Variants in PARP14 observed in about 807,000 individuals in gnomAD.
The protein encoded by PARP14 is poly(ADP-ribose) polymerase family member 14, also known as protein mono-ADP-ribosyltransferase PARP14.
A neutral mutation model predicts 154.2 loss-of-function variants in PARP14; 59 were observed. That is an observed-to-expected ratio of 0.38 (90% CI 0.31 to 0.48). The LOEUF (loss-of-function observed/expected upper bound fraction) is 0.48, where lower values mean the gene tolerates loss of function less well. PARP14 is among the 20% of genes least tolerant of loss of function. The probability of loss-of-function intolerance (pLI) is 0.98; values close to 1 mark genes in which losing one functional copy is unlikely to be tolerated. For missense variants in PARP14, 1,734 were observed against 2,131.6 expected (o/e 0.81, Z 3.67); for synonymous variants, 720 against 780.5 (o/e 0.92, Z 1.29).
At chr3:122,692,782 T>C (rs1260417845) in intron 4 of PARP14, among the ~76,000 whole-genome samples, 1 of 150,756 alleles carries the variant, frequency 6.6e-6, no homozygotes, top group Non-Finnish European at 1.5e-5. Context: ...TGTGTGTGAC[T>C]GAGAGAGAGA....
chr3:122,720,465 A>G (rs780750044), intron 15 of PARP14, 77 bp downstream of exon 15: 1 of 1,347,398 alleles, frequency 7.4e-7, no homozygotes, highest in Non-Finnish European at 1.0e-6. Flanking sequence ...ATCCATTTTC[A>G]TTCACTTCCT....
At position 122,713,483 on chromosome 3, in the gene PARP14, A is replaced by G. The variant is rs1309182604; in HGVS notation, c.3679A>G (p.Ile1227Val). The G allele has an allele frequency of 1.9e-6, 3 of 1,612,752 alleles. No individual in the cohort carries two copies. The highest frequency in any genetic ancestry group is 2.7e-5 in the African/African-American group (2 of 74,900). Residue 1227 changes from isoleucine to valine, a missense_variant, in exon 10 of 17, where the codon ATC becomes GTC. Ile to Val is a conservative substitution (Grantham distance 29). Coordinates refer to ENST00000474629, the MANE Select transcript of PARP14 (RefSeq NM_017554.3). ...SGVYEMKIGS[I>V]IFQVASGDIT... ...TGTGTATGAAATGAAGATTGGCTCCATCATCTTCCAGGTGGCTTCTGGAGA... is the reference window on the plus strand; with the variant it reads ...TGTGTATGAAATGAAGATTGGCTCCGTCATCTTCCAGGTGGCTTCTGGAGA...
Position 122,727,982 on chromosome 3 carries a change from G to C in PARP14, c.5112G>C (p.Lys1704Asn). Residue 1704 changes from lysine (K) to asparagine (N), a missense_variant, in exon 16 of 17, where the codon AAG becomes AAC. This residue lies in a region of PARP14 where 88 missense variants were observed against 155.6 expected (regional missense o/e 0.57). Transcript: ENST00000474629. ...RNGFNRSYAG[K>N]NAVAYGKGTY... Reference sequence around the variant, plus strand: ...GCTTTAACCGCAGCTATGCCGGAAAGAATGGTAAGGAAGCGAGTAATCTGG... The same window carrying C: ...GCTTTAACCGCAGCTATGCCGGAAACAATGGTAAGGAAGCGAGTAATCTGG... The C allele has an allele frequency of 6.2e-7, 1 of 1,609,186 alleles. No individual in the cohort carries two copies. Among genetic ancestry groups the C allele is most frequent in the South Asian group, 1.1e-5 (1 of 90,300 alleles).
rs370292135 is a variant in PARP14 at position 122,686,373 on chromosome 3, T to C, written c.322-707T>C. Among the ~76,000 whole-genome samples the C allele has an allele frequency of 9.2e-5, 14 of 152,278 alleles. No homozygotes were observed. The East Asian group carries it at 2.5e-3, about 27-fold the overall frequency. The stretch of plus-strand genomic sequence containing the variant: ...TTTTACCATGTTGCCTAGGCTGCTC[T>C]TGAACTGCTGGGCTCATGTGATCCA... On this transcript the variant is annotated intron_variant, in intron 2 of 16. Transcript: ENST00000474629.
rs768702723 is a variant in PARP14 at position 122,713,610 on chromosome 3, G to A, written c.3769+37G>A. ...ATTTTGATGAGTGCAATAGTTAATG[G>A]TAGATGCTATGAAGGAGGGTTTCTA... On this transcript the variant is annotated intron_variant, in intron 10 of 16. Coordinates refer to ENST00000474629, the MANE Select transcript of PARP14 (RefSeq NM_017554.3). 8 of 1,583,472 alleles carry A rather than the reference G, an allele frequency of 5.1e-6. No homozygotes were observed. The South Asian group carries it at 9.1e-5, about 18-fold the overall frequency.
At chr3:122,683,501 T>A (rs901703271) in intron 1 of PARP14, among the ~76,000 whole-genome samples, 5 of 152,254 alleles carry the variant, frequency 3.3e-5, no homozygotes, top group African/African-American at 1.2e-4. Context: ...TTAAGCCCTG[T>A]TTCAGATGTG....
rs893544252 is a variant in PARP14, at chr3:122,730,015, T to C, written c.*1418T>C. ...AAGTTTAAGATTCAAACACCATCTA[T>C]TGAGCACCTACATTGTGTGCCAGGT... is the stretch of plus-strand genomic sequence containing the variant. On this transcript the variant is annotated 3_prime_UTR_variant, in exon 17 of 17. Coordinates refer to ENST00000474629, the MANE Select transcript of PARP14 (RefSeq NM_017554.3). The C allele has an allele frequency of 3.3e-5, 5 of 152,224 alleles. No homozygotes were observed. Among genetic ancestry groups the C allele is most frequent in the Non-Finnish European group, 5.9e-5 (4 of 68,032 alleles). The allele number at this position is 152,224 out of a possible 1,614,324, so 9.4% of individuals were successfully genotyped here.
chr3:122,686,594 G>A (rs1177406538), intron 2 of PARP14, among the ~76,000 whole-genome samples: 2 of 152,136 alleles, frequency 1.3e-5, no homozygotes, highest in Admixed American at 1.3e-4. Flanking sequence ...AAGTAGCTGG[G>A]ACTACAGGCA....
chr3:122,708,962 C>T (rs185728939), intron 9 of PARP14, among the ~76,000 whole-genome samples: 3 of 152,004 alleles, frequency 2.0e-5, no homozygotes, highest in East Asian at 1.9e-4. Flanking sequence ...ATTTTAGATA[C>T]GTATGTGTAT....
chr3:122,703,013 AAAAAAAAAAACAAAAAACAAAAAAC>A (rs1939032450), intron 6 of PARP14, among the ~76,000 whole-genome samples: 1 of 109,850 alleles, frequency 9.1e-6, no homozygotes, highest in Non-Finnish European at 2.0e-5. Context: ...AAAAAAAACA[AAAAAAAAAAACAAAAAACAAAAAAC>A]AGTCATAGTT....
chr3:122,709,526 A>G (rs1939256344), intron 9 of PARP14, among the ~76,000 whole-genome samples: 1 of 152,088 alleles, frequency 6.6e-6, no homozygotes, highest in Non-Finnish European at 1.5e-5. Context: ...GTTTTTTCAT[A>G]TAATGACTTA....
At chr3:122,715,635 T>TATCTATC (rs1553748213) in intron 12 of PARP14, among the ~76,000 whole-genome samples, 1 of 150,556 alleles carries the variant, frequency 6.6e-6, no homozygotes, top group Non-Finnish European at 1.5e-5. Context: ...TCTATCTATC[T>TATCTATC]ATCTATCTAT....
At chr3:122,691,558 A>G (rs1377368417) in intron 3 of PARP14, among the ~76,000 whole-genome samples, 1 of 152,184 alleles carries the variant, frequency 6.6e-6, no homozygotes, top group Non-Finnish European at 1.5e-5. Flanking sequence ...TTTTTGGAGT[A>G]TAATGTGTTA....
rs1487037305 is a variant in PARP14, at chr3:122,692,396, G to T, written c.451G>T (p.Val151Leu). ...GGAATGTGAAAATATTTCCTCTTTG[G>T]TGGCATTTGAAAACCTCAAGGCAAA... ...PEECENISSL[V>L]AFENLKANVT... Residue 151 changes from valine to leucine, a missense_variant, in exon 4 of 17, where the codon GTG (valine) becomes TTG (leucine). Coordinates refer to ENST00000474629, the MANE Select transcript of PARP14 (RefSeq NM_017554.3). 6.2e-7 allele frequency: 1 copy of T among 1,613,722 alleles called. No individual in the cohort carries two copies. The highest frequency in any genetic ancestry group is 1.1e-5 in the South Asian group (1 of 91,078).
intron 15 of PARP14, among the ~76,000 whole-genome samples, chr3:122,727,537 CAG>C (rs1289113306): frequency 6.6e-6 from 1 of 152,164 alleles, no homozygotes; most frequent in African/African-American, 2.4e-5. Flanking sequence ...GCTGGGTCAG[CAG>C]AATTCATGTC....
chr3:122,700,720 C>G lies in PARP14; in HGVS notation c.2166C>G (p.Thr722=). Residue 722 remains threonine (T), a synonymous_variant, in exon 6 of 17, where the codon ACC becomes ACG. Transcript: ENST00000474629. The part of the protein sequence containing the change: ...QKGILLTGSK[T]EVLKAVDIVK... The stretch of plus-strand genomic sequence containing the variant: ...GCATTTTACTAACTGGCTCAAAGAC[C>G]GAAGTACTGAAGGCAGTGGACATTG... The G allele has an allele frequency of 6.2e-7, 1 of 1,612,738 alleles. No individual in the cohort carries two copies. Among genetic ancestry groups the G allele is most frequent in the Non-Finnish European group, 8.5e-7 (1 of 1,179,374 alleles).
At chr3:122,725,593 T>C (rs1051726842) in intron 15 of PARP14, among the ~76,000 whole-genome samples, 4 of 152,224 alleles carry the variant, frequency 2.6e-5, no homozygotes, top group African/African-American at 9.6e-5. Flanking sequence ...AAAATAGCTA[T>C]GCTAGCTTTC....
chr3:122,720,162 G>A, intron 14 of PARP14, 93 bp from the exon 15 acceptor site: 1 of 1,260,976 alleles, frequency 7.9e-7, no homozygotes, highest in Non-Finnish European at 1.1e-6. Context: ...TGAATGCTTA[G>A]AATTGGGAGA....
At chr3:122,689,812 C>G (rs1301386842) in intron 3 of PARP14, among the ~76,000 whole-genome samples, 1 of 152,158 alleles carries the variant, frequency 6.6e-6, no homozygotes, top group Non-Finnish European at 1.5e-5. Flanking sequence ...TCACCCTTAC[C>G]ACAAGCTGGG....
Sources: allele counts gnomAD v4.1 joint callset (sites outside exome capture counted in the v4.1 genomes callset), GRCh38; gene constraint gnomAD v4.1.1; regional missense constraint gnomAD v4.1.1; transcripts MANE v1.5; gene names NCBI Gene and HGNC (gene_info 2026-07-23, HGNC 2026-07-21).